Variants in HS3ST5 observed in about 807,000 individuals in gnomAD.
HS3ST5 encodes heparan sulfate glucosamine 3-O-sulfotransferase 5.
A neutral mutation model predicts 25.4 loss-of-function variants in HS3ST5; 10 were observed. The ratio of observed to expected loss-of-function variants is 0.39; its 90% CI spans 0.24 to 0.67. The LOEUF is 0.67. Among genes scored for constraint, HS3ST5 ranks in the 30% least tolerant of loss-of-function variants. The probability of loss-of-function intolerance (pLI) is 0.44; values close to 1 mark genes in which losing one functional copy is unlikely to be tolerated. For missense variants in HS3ST5, 324 were observed against 420.7 expected, an observed-to-expected ratio of 0.77 and a Z score of 2.01; for synonymous variants, 170 against 162.4, an observed-to-expected ratio of 1.05 and a Z score of -0.36.
At chr6:114,234,499 A>G (rs1307062855) in intron 1 of HS3ST5, among the ~76,000 whole-genome samples, 1 of 152,082 alleles carries the variant, frequency 6.6e-6, no homozygotes, top group African/African-American at 2.4e-5. Flanking sequence ...TTGCTTTTCA[A>G]GCAAAATAAG....
chr6:114,189,606 T>C (rs1479230117), intron 2 of HS3ST5, among the ~76,000 whole-genome samples: 2 of 152,190 alleles, frequency 1.3e-5, no homozygotes, highest in Non-Finnish European at 2.9e-5. Context: ...TTTTATCTTA[T>C]ATTTAGTTTT....
intron 3 of HS3ST5, among the ~76,000 whole-genome samples, chr6:114,119,416 G>T (rs993845356): frequency 6.6e-6 from 1 of 152,126 alleles, no homozygotes; most frequent in Non-Finnish European, 1.5e-5. Flanking sequence ...CAACAATGTG[G>T]TCTTTCAAAA....
intron 3 of HS3ST5, among the ~76,000 whole-genome samples, chr6:114,159,366 A>G (rs1778835928): frequency 6.6e-6 from 1 of 152,210 alleles, no homozygotes; most frequent in African/African-American, 2.4e-5. Flanking sequence ...AGGCTGGGTA[A>G]GTAAAATATA....
At chr6:114,244,044 AG>A (rs1488378863) in intron 1 of HS3ST5, among the ~76,000 whole-genome samples, 6 of 152,250 alleles carry the variant, frequency 3.9e-5, no homozygotes, top group African/African-American at 1.4e-4. Flanking sequence ...ACAGGGACAG[AG>A]GAGTCTGTGA....
At chr6:114,299,323 G>GT (rs1331301109) in intron 1 of HS3ST5, among the ~76,000 whole-genome samples, 1 of 152,162 alleles carries the variant, frequency 6.6e-6, no homozygotes, top group East Asian at 1.9e-4. Flanking sequence ...CTGATAAGAT[G>GT]TTATCAATGA....
chr6:114,196,783 T>C (rs1443651600), intron 2 of HS3ST5, among the ~76,000 whole-genome samples: 3 of 152,152 alleles, frequency 2.0e-5, no homozygotes, highest in Non-Finnish European at 4.4e-5. Context: ...AGTTACTGTT[T>C]CGTTTAATGT....
At chr6:114,074,421 T>C (rs1222231135) in intron 3 of HS3ST5, among the ~76,000 whole-genome samples, 1 of 152,206 alleles carries the variant, frequency 6.6e-6, no homozygotes, top group Non-Finnish European at 1.5e-5. Flanking sequence ...TCACTAATTA[T>C]GCCCCATTTA....
intron 1 of HS3ST5, among the ~76,000 whole-genome samples, chr6:114,295,719 C>A (rs180819453): frequency 5.9e-4 from 90 of 152,250 alleles, no homozygotes; most frequent in African/African-American, 1.7e-3. Context: ...GCAATTACTT[C>A]CTTAGTATTC....
At chr6:114,332,990 T>A (rs1459006749) in intron 1 of HS3ST5, among the ~76,000 whole-genome samples, 1 of 152,130 alleles carries the variant, frequency 6.6e-6, no homozygotes, top group Non-Finnish European at 1.5e-5. Flanking sequence ...TAGGTTGAGC[T>A]AGTTTGAACT....
intron 3 of HS3ST5, among the ~76,000 whole-genome samples, chr6:114,159,572 G>A (rs768082089): frequency 1.8e-4 from 28 of 152,306 alleles, no homozygotes; most frequent in Non-Finnish European, 3.7e-4. Context: ...ACTGGAAGGG[G>A]ACACAGAAGT....
intron 3 of HS3ST5, among the ~76,000 whole-genome samples, chr6:114,164,563 G>C (rs1237780037): frequency 1.3e-5 from 2 of 152,096 alleles, no homozygotes; most frequent in Non-Finnish European, 2.9e-5. Context: ...TTTGACAAAG[G>C]ACATCTAAAA....
intron 4 of HS3ST5, among the ~76,000 whole-genome samples, chr6:114,062,184 TTCTGAGCAACAGCC>T: frequency 6.6e-6 from 1 of 152,288 alleles, no homozygotes; most frequent in East Asian, 1.9e-4. Flanking sequence ...TGGGCAATTA[TTCTGAGCAACAGCC>T]TCCTTGTCTG....
chr6:114,324,112 T>C (rs1776079627), intron 1 of HS3ST5, among the ~76,000 whole-genome samples: 1 of 152,194 alleles, frequency 6.6e-6, no homozygotes, highest in Non-Finnish European at 1.5e-5. Context: ...TGTATTGCTA[T>C]AGTTATTTTT....
intron 3 of HS3ST5, among the ~76,000 whole-genome samples, chr6:114,075,066 C>G (rs1562185838): frequency 6.6e-6 from 1 of 152,206 alleles, no homozygotes; most frequent in Non-Finnish European, 1.5e-5. Context: ...TGAGGACCTG[C>G]CATGCATCAG....
At chr6:114,333,387 T>C (rs1046506764) in intron 1 of HS3ST5, among the ~76,000 whole-genome samples, 10 of 152,142 alleles carry the variant, frequency 6.6e-5, no homozygotes, top group African/African-American at 2.4e-4. Context: ...GAGGTAACCT[T>C]AAAAAAGTAA....
At chr6:114,081,452 G>A (rs774123921) in intron 3 of HS3ST5, among the ~76,000 whole-genome samples, 1 of 152,102 alleles carries the variant, frequency 6.6e-6, no homozygotes, top group Non-Finnish European at 1.5e-5. Flanking sequence ...AGTAATTTTT[G>A]TAAAAGTACA....
chr6:114,182,354 G>T (rs1412182358), intron 2 of HS3ST5, among the ~76,000 whole-genome samples: 3 of 152,112 alleles, frequency 2.0e-5, no homozygotes, highest in Non-Finnish European at 4.4e-5. Context: ...CTGTTGTTGG[G>T]CAATGCTGAG....
chr6:114,117,324 CA>C (rs1776579515), intron 3 of HS3ST5, among the ~76,000 whole-genome samples: 1 of 152,102 alleles, frequency 6.6e-6, no homozygotes, highest in Non-Finnish European at 1.5e-5. Flanking sequence ...TGCTAGAAAA[CA>C]CAGAGGTAGC....
Position 114,138,504 on chromosome 6 carries a change from G to A in HS3ST5, c.-33+29847C>T, listed in dbSNP as rs192469459. 1.2e-4 allele frequency among the ~76,000 whole-genome samples: 18 copies of A among 152,260 alleles called. No individual in the cohort carries two copies. In the East Asian group the frequency reaches 2.5e-3, roughly 21 times the overall value. Reference sequence around the variant, plus strand: ...AGGCCACATAAAAACAGAACCCAGCGTTAGGAGAAGCTGAGTTGGAATGAG... The same window carrying A: ...AGGCCACATAAAAACAGAACCCAGCATTAGGAGAAGCTGAGTTGGAATGAG... On this transcript the variant is annotated intron_variant, in intron 3 of 4. Coordinates refer to ENST00000312719, the MANE Select transcript of HS3ST5 (RefSeq NM_153612.4).
Sources: gnomAD v4.1 joint callset for allele counts (sites outside exome capture counted in the v4.1 genomes callset) on GRCh38, gnomAD v4.1.1 for gene constraint, MANE v1.5 for transcripts, NCBI Gene and HGNC (gene_info 2026-07-23, HGNC 2026-07-21) for gene names.